Variants in PROZ observed in about 807,000 individuals in gnomAD.
The protein encoded by PROZ is protein Z, vitamin K dependent plasma glycoprotein, also known as vitamin K-dependent protein Z.
In PROZ, 46 loss-of-function variants were observed where a neutral mutation model predicts 34.9. The ratio of observed to expected loss-of-function variants is 1.32; its 90% CI spans 1.04 to 1.69. The LOEUF (loss-of-function observed/expected upper bound fraction) is 1.69. PROZ is among the 40% of genes most tolerant of loss of function. The probability of loss-of-function intolerance (pLI) is 0.00; values close to 1 mark genes in which losing one functional copy is unlikely to be tolerated. For synonymous variants in PROZ, 195 were observed against 208.5 expected, an observed-to-expected ratio of 0.94 and a Z score of 0.56; for missense variants, 530 against 520.4, an observed-to-expected ratio of 1.02 and a Z score of -0.18.
intron 3 of PROZ, 40 bp downstream of exon 3, chr13:113,161,012 TC>T: frequency 1.3e-6 from 2 of 1,581,732 alleles, no homozygotes; most frequent in Non-Finnish European, 1.7e-6. Context: ...TATTAATTCC[TC>T]GGGATGAGGT....
rs2037128254 is a variant in PROZ at position 113,172,121 on chromosome 13, C to T, written c.*16C>T. On this transcript the variant is annotated 3_prime_UTR_variant, in exon 8 of 8. Transcript: ENST00000375547. ...CATGAACTAACTGAAACTCAGCTAG[C>T]CAGAATGAACAACACAACCGGAAGC... 1.2e-6 allele frequency: 2 copies of T among 1,611,356 alleles called. No individual in the cohort carries two copies. Among genetic ancestry groups the T allele is most frequent in the Admixed American group, 3.3e-5 (2 of 59,840 alleles).
chr13:113,168,040 CT>C (rs1368647431), intron 6 of PROZ, among the ~76,000 whole-genome samples: 1 of 152,204 alleles, frequency 6.6e-6, no homozygotes, highest in Non-Finnish European at 1.5e-5. Context: ...AGCATGAGTC[CT>C]TACAGCAATC....
chr13:113,164,625 C>T lies in PROZ; in HGVS notation c.486C>T (p.His162=), dbSNP rs1180965764. The change falls in exon 5 of 8, where the codon CAC becomes CAT. Residue 162 remains histidine (H), a synonymous_variant. Transcript: ENST00000375547. Reference sequence around the variant, plus strand: ...AGGGCTACAGGCTTGGTGAGGACCACAAACAGTGTGTGCCCCACGGTGAGT... The same window carrying T: ...AGGGCTACAGGCTTGGTGAGGACCATAAACAGTGTGTGCCCCACGGTGAGT... ...CAQGYRLGED[H]KQCVPHDQCA... The T allele has an allele frequency of 1.2e-6, 2 of 1,613,598 alleles. No individual in the cohort carries two copies. Among genetic ancestry groups the T allele is most frequent in the Admixed American group, 3.3e-5 (2 of 59,982 alleles).
At position 113,160,149 on chromosome 13, in the gene PROZ, G is replaced by A; in HGVS notation, c.206G>A (p.Arg69Lys). Residue 69 changes from arginine to lysine, a missense_variant, in exon 2 of 8, where the codon AGA becomes AAA. Transcript: ENST00000375547. ...GAAATCTGTGTCTATGAAGAAGCAA[G>A]AGAAGTGTTTGAAAATGAAGTAGTC... ...YEEICVYEEA[R>K]EVFENEVVTD... The A allele has an allele frequency of 6.2e-7, 1 of 1,614,166 alleles. No homozygotes were observed. Among genetic ancestry groups the A allele is most frequent in the Non-Finnish European group, 8.5e-7 (1 of 1,180,028 alleles).
In PROZ at chr13:113,166,644, C is replaced by T. The variant is rs996455771; in HGVS notation, c.573+1524C>T. Among the ~76,000 whole-genome samples, 6 of 152,320 alleles carry T rather than the reference C, an allele frequency of 3.9e-5. No individual in the cohort carries two copies. In the East Asian group the frequency reaches 1.2e-3, roughly 29 times the overall value. ...GAGTGATGGAAGGCGGGGATGGAAGCGGGAATGGTCTATCACCAGCTTTGC... is the reference window on the plus strand; with the variant it reads ...GAGTGATGGAAGGCGGGGATGGAAGTGGGAATGGTCTATCACCAGCTTTGC... On this transcript the variant is annotated intron_variant, in intron 6 of 7. Transcript: ENST00000375547.
At position 113,158,701 on chromosome 13, in the gene PROZ, T is replaced by G. The variant is rs2036705703; in HGVS notation, c.41T>G (p.Val14Gly). The G allele has an allele frequency of 6.2e-7, 1 of 1,606,514 alleles. No individual in the cohort carries two copies. Among genetic ancestry groups the G allele is most frequent in the Non-Finnish European group, 8.5e-7 (1 of 1,177,012 alleles). ...CVPLLQGLVLVLALHRVEPSV... is the reference protein window; with the variant it reads ...CVPLLQGLVLGLALHRVEPSV... ...CCACTGCTCCAGGGCCTGGTCCTGG[T>G]CCTCGCCCTCCATCGTGTGGAGCCC... Residue 14 changes from valine (V) to glycine (G), a missense_variant, in exon 1 of 8, where the codon GTC becomes GGC. By Grantham distance (109) the Val-to-Gly change is moderately radical. Transcript: ENST00000375547. The surrounding 1 kb of genome is among the most constrained non-coding windows in gnomAD (Gnocchi z 4.3).
At chr13:113,160,912 T>A in intron 2 of PROZ, 36 bp from the exon 3 acceptor site, 1 of 1,537,996 alleles carries the variant, frequency 6.5e-7, no homozygotes, top group Non-Finnish European at 9.0e-7. Context: ...AAAACAAATA[T>A]CCCATTTGTA....
At position 113,164,622 on chromosome 13, in the gene PROZ, C is replaced by T. The variant is rs2036865235; in HGVS notation, c.483C>T (p.Asp161=). 3.7e-6 allele frequency: 6 copies of T among 1,613,766 alleles called. No individual in the cohort carries two copies. The highest frequency in any genetic ancestry group is 5.1e-6 in the Non-Finnish European group (6 of 1,179,980). Residue 161 remains aspartate (D), a synonymous_variant, in exon 5 of 8, where the codon GAC becomes GAT. Transcript: ENST00000375547. ...SCAQGYRLGE[D]HKQCVPHDQC... ...CTCAGGGCTACAGGCTTGGTGAGGA[C>T]CACAAACAGTGTGTGCCCCACGGTG...
intron 6 of PROZ, 91 bp from the exon 7 acceptor site, chr13:113,170,322 G>T: frequency 1.3e-6 from 1 of 794,354 alleles, no homozygotes; most frequent in Non-Finnish European, 2.2e-6. Flanking sequence ...TGGGGGTGGG[G>T]GGGTGGTCCA....
rs1169028149 is a variant in PROZ at position 113,159,732 on chromosome 13, G to A, written c.71-282G>A. On this transcript the variant is annotated intron_variant, in intron 1 of 7. Transcript: ENST00000375547. The surrounding 1 kb of genome is among the most constrained non-coding windows in gnomAD (Gnocchi z 4.6). ...TCGCACTCAGACCCAAAACCCAGTT[G>A]GAGCCCTCCCTCCTCCACTTTCCTG... Among the ~76,000 whole-genome samples the A allele has an allele frequency of 6.6e-6, 1 of 152,214 alleles. No individual in the cohort carries two copies. Among genetic ancestry groups the A allele is most frequent in the African/African-American group, 2.4e-5 (1 of 41,462 alleles).
At chr13:113,169,907 CGGACTCTGTTCTGCA>C (rs912119083) in intron 6 of PROZ, among the ~76,000 whole-genome samples, 7 of 152,242 alleles carry the variant, frequency 4.6e-5, no homozygotes, top group South Asian at 4.1e-4. Context: ...TCTCCTCTGC[CGGACTCTGTTCTGCA>C]GGACTCTGTT....
chr13:113,161,343 G>T (rs2036756350), intron 3 of PROZ, among the ~76,000 whole-genome samples: 1 of 152,166 alleles, frequency 6.6e-6, no homozygotes, highest in African/African-American at 2.4e-5. Context: ...TCAAATTTTG[G>T]AAAGTCATGG....
rs1326285113 is a variant in PROZ at position 113,160,270 on chromosome 13, A to T, written c.234+93A>T. 2.8e-5 allele frequency: 40 copies of T among 1,453,428 alleles called. 1 individual carries two copies. Among genetic ancestry groups the T allele is most frequent in the Middle Eastern group, 3.5e-4 (2 of 5,762 alleles). 90.0% of individuals were successfully genotyped at this position (1,453,428 alleles called of 1,614,324 possible). A position where few individuals can be genotyped will look rare whatever the true frequency, so the allele number is the denominator to read the frequency against. ...ATTTCTCAGAGATTAAGCTTAATTA[A>T]TTAGCCTATTTACTTACCGATGAGG... On this transcript the variant is annotated intron_variant, in intron 2 of 7. Transcript: ENST00000375547.
chr13:113,164,616 TGAG>T lies in PROZ; in HGVS notation c.480_482del (p.Glu160del). 1 of 1,613,608 alleles carries T rather than the reference TGAG, an allele frequency of 6.2e-7. No individual in the cohort carries two copies. The highest frequency in any genetic ancestry group is 8.5e-7 in the Non-Finnish European group (1 of 1,179,938). ...GCTGTGCTCAGGGCTACAGGCTTGG[TGAG>T]GACCACAAACAGTGTGTGCCCCACG... is the stretch of plus-strand genomic sequence containing the variant. On this transcript the variant is annotated inframe_deletion, in exon 5 of 8. Transcript: ENST00000375547.
intron 6 of PROZ, among the ~76,000 whole-genome samples, chr13:113,167,716 G>C (rs1405227719): frequency 6.6e-6 from 1 of 152,032 alleles, no homozygotes; most frequent in Non-Finnish European, 1.5e-5. Flanking sequence ...TATATAATTG[G>C]CTTTCATTTT....
Position 113,159,300 on chromosome 13 carries a change from T to C in PROZ, c.70+570T>C. On this transcript the variant is annotated intron_variant, in intron 1 of 7. Coordinates refer to ENST00000375547, the MANE Select transcript of PROZ (RefSeq NM_003891.3). The surrounding 1 kb of genome is among the most constrained non-coding windows in gnomAD (Gnocchi z 4.6). ...ACACCCAGCATCCCCGCTGGCCCCA[T>C]GGTCTCCCGCTGGCCCCATGGTCTC... The C allele has an allele frequency of 6.6e-7, 1 of 1,514,298 alleles. No homozygotes were observed. Among genetic ancestry groups the C allele is most frequent in the Non-Finnish European group, 9.0e-7 (1 of 1,114,332 alleles). The allele number at this position is 1,514,298 out of a possible 1,614,324, so 93.8% of individuals were successfully genotyped here. A position where few individuals can be genotyped will look rare whatever the true frequency, so the allele number is the denominator to read the frequency against.
intron 6 of PROZ, chr13:113,165,994 A>G (rs1000920722): frequency 7.2e-5 from 11 of 152,166 alleles, no homozygotes; most frequent in African/African-American, 1.9e-4. Context: ...TGCTTTCTGT[A>G]TATCTTCACA....
chr13:113,170,346 T>C, intron 6 of PROZ, 67 bp from the exon 7 acceptor site: 1 of 972,404 alleles, frequency 1.0e-6, no homozygotes, highest in Non-Finnish European at 1.7e-6. Context: ...CCCTATCCAG[T>C]AGACTTTACT....
At chr13:113,170,299 C>CG (rs1346424707) in intron 6 of PROZ, 114 bp from the exon 7 acceptor site, 17 of 508,774 alleles carry the variant, frequency 3.3e-5, no homozygotes, top group Non-Finnish European at 4.0e-5. Flanking sequence ...CTGCCTTTGG[C>CG]GGGGGGTGGG....
Sources: allele counts gnomAD v4.1 joint callset (sites outside exome capture counted in the v4.1 genomes callset), GRCh38; gene constraint gnomAD v4.1.1; non-coding constraint Gnocchi (gnomAD v3.1); transcripts MANE v1.5; gene names NCBI Gene and HGNC (gene_info 2026-07-23, HGNC 2026-07-21).